Variants in PTPRD observed in about 807,000 individuals in gnomAD.
PTPRD encodes the protein receptor-type tyrosine-protein phosphatase delta.
A neutral mutation model predicts 214.5 loss-of-function variants in PTPRD; 34 were observed. The ratio of observed to expected loss-of-function variants is 0.16; its 90% CI spans 0.12 to 0.21. The LOEUF is 0.21. Among genes scored for constraint, PTPRD ranks in the 10% least tolerant of loss-of-function variants. The pLI is 1.00. For missense variants in PTPRD, 2,545 were observed against 2,398.7 expected (o/e 1.06, Z -1.27); for synonymous variants, 1,128 against 845.7 (o/e 1.33, Z -5.79).
chr9:10,269,564 C>G lies in PTPRD; in HGVS notation c.-545+71399G>C, dbSNP rs150196564. The stretch of plus-strand genomic sequence containing the variant: ...TCTACTGTTGCTTACACTTTTTTCT[C>G]TGCCTAGTAAGACTGTAAGCTGCTT... On this transcript the variant is annotated intron_variant, in intron 3 of 45. Transcript: ENST00000381196. 2.2e-3 allele frequency among the ~76,000 whole-genome samples: 335 copies of G among 152,186 alleles called. 2 individuals carry two copies. The highest frequency in any genetic ancestry group is 7.8e-3 in the African/African-American group (324 of 41,532).
At chr9:9,055,404 G>A (rs566058771) in intron 10 of PTPRD, among the ~76,000 whole-genome samples, 95 of 152,220 alleles carry the variant, frequency 6.2e-4, no homozygotes, top group Admixed American at 1.8e-3. Flanking sequence ...GTTGAACATG[G>A]TCAGTACATA....
Position 8,492,956 on chromosome 9 carries a change from C to G in PTPRD, c.2373G>C (p.Gln791His), listed in dbSNP as rs2136310853. The change falls in exon 27 of 46, where the codon CAG (glutamine) becomes CAC (histidine). Residue 791 changes from glutamine (Q) to histidine (H), a missense_variant. Transcript: ENST00000381196. ...TEHDMIISGL[Q>H]PETSYSLTVT... The stretch of plus-strand genomic sequence containing the variant: ...CGGTGAGGGAGTAGGAAGTTTCAGG[C>G]TGGAGCCCAGAAATGATCATGTCCT... The G allele has an allele frequency of 1.9e-6, 3 of 1,613,506 alleles. No individual in the cohort carries two copies. Among genetic ancestry groups the G allele is most frequent in the Non-Finnish European group, 2.5e-6 (3 of 1,179,550 alleles).
chr9:9,397,599 G>A (rs2068395356), intron 8 of PTPRD, 117 bp from the exon 9 acceptor site: 1 of 152,122 alleles, frequency 6.6e-6, no homozygotes, highest in Non-Finnish European at 1.5e-5. Flanking sequence ...AATTAAGTAA[G>A]CAATGAAGAT....
chr9:10,207,684 T>A (rs1218216046), intron 3 of PTPRD, among the ~76,000 whole-genome samples: 1 of 151,940 alleles, frequency 6.6e-6, no homozygotes, highest in East Asian at 1.9e-4. Context: ...GCAAGAAACT[T>A]GTCATTTATA....
intron 14 of PTPRD, among the ~76,000 whole-genome samples, chr9:8,535,918 G>C (rs764978428): frequency 3.3e-5 from 5 of 151,886 alleles, no homozygotes; most frequent in African/African-American, 4.8e-5. Flanking sequence ...ACCTTTAACA[G>C]AATGGAATTT....
chr9:8,752,801 C>T (rs576615604), intron 11 of PTPRD, among the ~76,000 whole-genome samples: 2 of 152,182 alleles, frequency 1.3e-5, no homozygotes, highest in East Asian at 1.9e-4. Context: ...TAAGCTGGGC[C>T]ACCAACAGCA....
intron 35 of PTPRD, among the ~76,000 whole-genome samples, chr9:8,417,221 T>A (rs547448526): frequency 6.6e-6 from 1 of 151,886 alleles, no homozygotes; most frequent in East Asian, 1.9e-4. Context: ...TCCAAAAGAG[T>A]GGGAAGTTAA....
At chr9:9,265,418 GT>G (rs1331281809) in intron 9 of PTPRD, among the ~76,000 whole-genome samples, 3 of 151,134 alleles carry the variant, frequency 2.0e-5, no homozygotes, top group Non-Finnish European at 3.0e-5. Context: ...CACACCTAGC[GT>G]TTTTTTGTTT....
intron 14 of PTPRD, among the ~76,000 whole-genome samples, chr9:8,578,820 T>A (rs759460455): frequency 1.8e-4 from 27 of 152,346 alleles, no homozygotes; most frequent in Non-Finnish European, 2.9e-4. Flanking sequence ...TTGCTTACCA[T>A]TTTGATTAAA....
Position 10,481,765 on chromosome 9 carries a change from A to G in PTPRD, c.-600+130633T>C, listed in dbSNP as rs116339508. On this transcript the variant is annotated intron_variant, in intron 2 of 45. Coordinates refer to ENST00000381196, the MANE Select transcript of PTPRD (RefSeq NM_002839.4). Reference sequence around the variant, plus strand: ...TAAAATTGGCTAAAAATCTCAGAATATAGAGACAAAACCGAAGAGCAGTAG... The same window carrying G: ...TAAAATTGGCTAAAAATCTCAGAATGTAGAGACAAAACCGAAGAGCAGTAG... Among the ~76,000 whole-genome samples the G allele has an allele frequency of 5.3e-3, 806 of 152,312 alleles. 12 individuals carry two copies. The highest frequency in any genetic ancestry group is 0.019 in the African/African-American group (772 of 41,576).
chr9:10,553,302 G>A (rs539649310), intron 2 of PTPRD, among the ~76,000 whole-genome samples: 1 of 151,472 alleles, frequency 6.6e-6, no homozygotes, highest in Non-Finnish European at 1.5e-5. Flanking sequence ...TTGTGATTAT[G>A]CTTGAGATGG....
intron 2 of PTPRD, among the ~76,000 whole-genome samples, chr9:10,454,945 G>C (rs1224865779): frequency 6.6e-6 from 1 of 151,648 alleles, no homozygotes; most frequent in African/African-American, 2.4e-5. Flanking sequence ...TAACAGGCAA[G>C]AAATTAAAGT....
chr9:9,922,666 A>T (rs1338255453), intron 5 of PTPRD, among the ~76,000 whole-genome samples: 1 of 152,128 alleles, frequency 6.6e-6, no homozygotes, highest in Non-Finnish European at 1.5e-5. Flanking sequence ...ATGCTATAAA[A>T]AATAACAAAA....
intron 9 of PTPRD, among the ~76,000 whole-genome samples, chr9:9,220,766 A>G (rs941669768): frequency 2.0e-5 from 3 of 152,090 alleles, no homozygotes; most frequent in Admixed American, 6.6e-5. Flanking sequence ...GCAAACCTCT[A>G]TTTCACAAAA....
chr9:8,467,875 C>G (rs7357795), intron 31 of PTPRD, among the ~76,000 whole-genome samples: 3 of 151,880 alleles, frequency 2.0e-5, no homozygotes, highest in African/African-American at 7.2e-5. Flanking sequence ...GGACAGTAGC[C>G]TATTACACCA....
intron 4 of PTPRD, among the ~76,000 whole-genome samples, chr9:9,989,045 A>C (rs1045168881): frequency 6.7e-6 from 1 of 148,288 alleles, no homozygotes; most frequent in Admixed American, 6.7e-5. Flanking sequence ...AAAAAAAAAA[A>C]CCACAGACTT....
At chr9:8,707,205 G>T (rs963842069) in intron 12 of PTPRD, among the ~76,000 whole-genome samples, 10 of 152,146 alleles carry the variant, frequency 6.6e-5, no homozygotes, top group Non-Finnish European at 1.3e-4. Context: ...AACTGCCAGG[G>T]ATGTGGTCAC....
intron 2 of PTPRD, among the ~76,000 whole-genome samples, chr9:10,466,113 A>G (rs2098991736): frequency 6.6e-6 from 1 of 152,130 alleles, no homozygotes; most frequent in Admixed American, 6.6e-5. Flanking sequence ...TTGAATGATA[A>G]ATCTTTTCTT....
intron 2 of PTPRD, among the ~76,000 whole-genome samples, chr9:10,385,058 G>A (rs1023942480): frequency 6.6e-6 from 1 of 151,604 alleles, no homozygotes; most frequent in Non-Finnish European, 1.5e-5. Context: ...CTAACCTTAC[G>A]GGTTATTTTT....
Sources: allele counts gnomAD v4.1 joint callset (sites outside exome capture counted in the v4.1 genomes callset), GRCh38; gene constraint gnomAD v4.1.1; transcripts MANE v1.5; gene names NCBI Gene and HGNC (gene_info 2026-07-23, HGNC 2026-07-21).